The following CLTA variants were observed in gnomAD, a reference collection of about 807,000 sequenced individuals.
CLTA encodes clathrin, light polypeptide (Lca).
In CLTA, 9 loss-of-function variants were observed where a neutral mutation model predicts 26.9. The ratio of observed to expected loss-of-function variants is 0.33; its 90% confidence interval spans 0.20 to 0.58. CLTA has a LOEUF of 0.58. Among genes scored for constraint, CLTA ranks in the 20% least tolerant of loss-of-function variants. The pLI is 0.85. For synonymous variants in CLTA, 120 were observed against 115.5 expected, an observed-to-expected ratio of 1.04 and a Z score of -0.25; for missense variants, 278 against 294.2, an observed-to-expected ratio of 0.94 and a Z score of 0.40.
upstream of CLTA, chr9:36,190,882 C>T: frequency 1.7e-6 from 2 of 1,150,518 alleles, no homozygotes; most frequent in Non-Finnish European, 2.3e-6. Context: ...TTCGGCTCTG[C>T]AACACCGCCT....
chr9:36,199,491 C>A (rs1486006468), intron 3 of CLTA, among the ~76,000 whole-genome samples: 1 of 150,974 alleles, frequency 6.6e-6, no homozygotes, highest in Non-Finnish European at 1.5e-5. Flanking sequence ...ACTCTGTTAC[C>A]CAGGGTGGAG....
chr9:36,209,317 A>G, intron 4 of CLTA: 9 of 1,608,174 alleles, frequency 5.6e-6, no homozygotes, highest in Non-Finnish European at 7.7e-6. Flanking sequence ...GTGATTGGTT[A>G]TGTGTATGTT....
chr9:36,204,331 C>T (rs924787809), intron 4 of CLTA, 152 bp downstream of exon 4: 8 of 808,812 alleles, frequency 9.9e-6, no homozygotes, highest in African/African-American at 1.7e-5. Context: ...GCAAGTCTCT[C>T]GGGTCTTGTG....
chr9:36,194,645 G>A (rs139049292), intron 1 of CLTA, among the ~76,000 whole-genome samples: 2 of 152,214 alleles, frequency 1.3e-5, no homozygotes, highest in Admixed American at 1.3e-4. Context: ...AATGTTTCTG[G>A]AATGTGGAAA....
Position 36,207,134 on chromosome 9 carries a change from C to T in CLTA, c.485+2955C>T, listed in dbSNP as rs551500765. Among the ~76,000 whole-genome samples, 26 of 152,292 alleles carry T rather than the reference C, an allele frequency of 1.7e-4. No homozygotes were observed. In the East Asian group the frequency reaches 2.1e-3, roughly 12 times the overall value. On this transcript the variant is annotated intron_variant, in intron 4 of 4. Coordinates refer to ENST00000345519, the MANE Select transcript of CLTA (RefSeq NM_001833.4). ...TCACCAAAGCACTAGGAGCACGTCG[C>T]GCCTGGCACTGCACTGGGGGTGGGT...
chr9:36,200,100 G>A (rs1274969141), intron 3 of CLTA, among the ~76,000 whole-genome samples: 1 of 152,222 alleles, frequency 6.6e-6, no homozygotes, highest in African/African-American at 2.4e-5. Flanking sequence ...GTTGGTTCAT[G>A]ATCAGGGGAG....
intron 1 of CLTA, among the ~76,000 whole-genome samples, chr9:36,193,829 T>C (rs1826876336): frequency 1.3e-5 from 2 of 152,084 alleles, no homozygotes; most frequent in Admixed American, 1.3e-4. Context: ...AAAAGAGACG[T>C]AGGTTTAGAG....
At chr9:36,210,860 G>A (rs1004033016) in intron 4 of CLTA, among the ~76,000 whole-genome samples, 6 of 152,156 alleles carry the variant, frequency 3.9e-5, no homozygotes, top group Admixed American at 1.3e-4. Flanking sequence ...GTGTCTTAGC[G>A]CTGTCCTTTC....
chr9:36,209,458 G>A, intron 4 of CLTA: 1 of 684,466 alleles, frequency 1.5e-6, no homozygotes, highest in Non-Finnish European at 2.6e-6. Context: ...CCTAAGAATT[G>A]ATAAGCGGGG....
intron 2 of CLTA, 81 bp from the exon 3 acceptor site, chr9:36,198,898 C>G (rs1827232378): frequency 2.7e-6 from 2 of 749,278 alleles, no homozygotes; most frequent in African/African-American, 1.9e-5. Flanking sequence ...AAAAACAGAA[C>G]CAGGGGTTCT....
rs542437849 is a variant in CLTA at position 36,190,953 on chromosome 9, C to T, written c.-104C>T. On this transcript the variant is annotated 5_prime_UTR_variant, in exon 1 of 5. Coordinates refer to ENST00000345519, the MANE Select transcript of CLTA (RefSeq NM_001833.4). ...ACCCGTCTCCCTCCTGGCGCTTGTC[C>T]TCCTCTCCCAGTCGGCACCACAGCG... 6.8e-5 allele frequency: 98 copies of T among 1,436,844 alleles called. No individual in the cohort carries two copies. The highest frequency in any genetic ancestry group is 1.2e-4 in the South Asian group (8 of 67,070). The allele number at this position is 1,436,844 out of a possible 1,614,324, so 89.0% of individuals were successfully genotyped here.
intron 1 of CLTA, among the ~76,000 whole-genome samples, chr9:36,194,572 A>C (rs3736986): frequency 0.15 from 23,285 of 152,186 alleles, 2,472 homozygotes; most frequent in African/African-American, 0.3. Context: ...GAGCAGTGTC[A>C]CTAAGGTAGC....
At chr9:36,198,799 G>C (rs1272988440) in intron 2 of CLTA, among the ~76,000 whole-genome samples, 180 bp from the exon 3 acceptor site, 1 of 151,448 alleles carries the variant, frequency 6.6e-6, no homozygotes, top group African/African-American at 2.4e-5. Context: ...CTTGAACCCG[G>C]GAGGTGGAGG....
rs1466545710 is a variant in CLTA at position 36,190,936 on chromosome 9, C to T, written c.-121C>T. The T allele has an allele frequency of 2.8e-6, 4 of 1,417,370 alleles. No individual in the cohort carries two copies. The highest frequency in any genetic ancestry group is 4.3e-4 in the Middle Eastern group (2 of 4,690). The allele number at this position is 1,417,370 out of a possible 1,614,324, so 87.8% of individuals were successfully genotyped here. A position where few individuals can be genotyped will look rare whatever the true frequency, so the allele number is the denominator to read the frequency against. On this transcript the variant is annotated 5_prime_UTR_variant, in exon 1 of 5. Transcript: ENST00000345519. Reference sequence around the variant, plus strand: ...GGTAGGGCTTCCGCTTTACCCGTCTCCCTCCTGGCGCTTGTCCTCCTCTCC... The same window carrying T: ...GGTAGGGCTTCCGCTTTACCCGTCTTCCTCCTGGCGCTTGTCCTCCTCTCC...
At position 36,211,620 on chromosome 9, in the gene CLTA, T is replaced by C; in HGVS notation, c.503T>C (p.Phe168Ser). Residue 168 changes from phenylalanine to serine, a missense_variant, in exon 5 of 5, where the codon TTT becomes TCT. Transcript: ENST00000345519. ...GCTTCCAGGGCAGCAGAAGAAGCCT[T>C]TGTAAATGACATTGACGAGTCGTCC... ...KANNRAAEEAFVNDIDESSPG... is the reference protein window; with the variant it reads ...KANNRAAEEASVNDIDESSPG... 6.2e-7 allele frequency: 1 copy of C among 1,612,718 alleles called. No individual in the cohort carries two copies. Among genetic ancestry groups the C allele is most frequent in the Non-Finnish European group, 8.5e-7 (1 of 1,178,930 alleles).
chr9:36,205,030 T>C (rs977380268), intron 4 of CLTA, among the ~76,000 whole-genome samples: 30 of 152,188 alleles, frequency 2.0e-4, no homozygotes, highest in African/African-American at 7.2e-4. Flanking sequence ...AGGAAGCAGG[T>C]TGGGTTAAGT....
chr9:36,198,030 A>C (rs944695419), intron 2 of CLTA, among the ~76,000 whole-genome samples: 5 of 122,418 alleles, frequency 4.1e-5, no homozygotes, highest in Non-Finnish European at 8.0e-5. Flanking sequence ...AGACAGTCTC[A>C]CTGTCGCCCA....
At position 36,202,280 on chromosome 9, in the gene CLTA, T is replaced by C. The variant is rs141666901; in HGVS notation, c.374-1788T>C. Among the ~76,000 whole-genome samples, 10 of 152,348 alleles carry C rather than the reference T, an allele frequency of 6.6e-5. 1 individual carries two copies. In the East Asian group the frequency reaches 1.9e-3, roughly 29 times the overall value. The stretch of plus-strand genomic sequence containing the variant: ...TTTCTAGCTGCTATTAGGCTTTTTC[T>C]TATAGTTACACACAGCCTTTTGCAG... On this transcript the variant is annotated intron_variant, in intron 3 of 4. Transcript: ENST00000345519.
chr9:36,203,580 T>G (rs932233060), intron 3 of CLTA, among the ~76,000 whole-genome samples: 2 of 152,218 alleles, frequency 1.3e-5, no homozygotes, highest in Non-Finnish European at 2.9e-5. Flanking sequence ...ACAAAACCAT[T>G]GTCAAACCTG....
Sources: allele counts gnomAD v4.1 joint callset (sites outside exome capture counted in the v4.1 genomes callset), GRCh38; gene constraint gnomAD v4.1.1; transcripts MANE v1.5; gene names NCBI Gene and HGNC (gene_info 2026-07-23, HGNC 2026-07-21).